PLS3: variants seen among roughly 807,000 people sequenced by gnomAD.
The protein encoded by PLS3 is plastin 3, also known as plastin-3.
PLS3 carries 11 observed loss-of-function variants against 46.5 expected under a neutral mutation model. The ratio of observed to expected loss-of-function variants is 0.24; its 90% CI spans 0.15 to 0.39. The LOEUF is 0.39. PLS3 is among the 10% of genes least tolerant of loss of function. The probability of loss-of-function intolerance (pLI) is 1.00; values close to 1 mark genes in which losing one functional copy is unlikely to be tolerated. For synonymous variants in PLS3, 167 were observed against 162.2 expected, an observed-to-expected ratio of 1.03 and a Z score of -0.22; for missense variants, 308 against 461.8, an observed-to-expected ratio of 0.67 and a Z score of 3.05.
At chrX:115,567,878 TATATA>T (rs1340967638) in intron 1 of PLS3, among the ~76,000 whole-genome samples, 37 of 110,146 alleles carry the variant, frequency 3.4e-4, no homozygotes, top group African/African-American at 9.5e-4. Flanking sequence ...TTTTACGTGA[TATATA>T]ATATAAGTTT....
intron 2 of PLS3, among the ~76,000 whole-genome samples, chrX:115,616,421 T>C (rs185527360): frequency 2.0e-4 from 23 of 112,360 alleles, no homozygotes; most frequent in African/African-American, 7.4e-4. Context: ...TCAAAGACTA[T>C]CATTTAGCCA....
chrX:115,645,653 T>A (rs1353511389), intron 11 of PLS3, among the ~76,000 whole-genome samples: 1 of 111,700 alleles, frequency 9.0e-6, no homozygotes, highest in African/African-American at 3.2e-5. Context: ...AAAGATTTCC[T>A]GACTACCACC....
intron 9 of PLS3, among the ~76,000 whole-genome samples, chrX:115,641,128 T>A (rs995476010): frequency 9.0e-6 from 1 of 110,804 alleles, no homozygotes; most frequent in Non-Finnish European, 1.9e-5. Flanking sequence ...CCATTAGATA[T>A]GGAATGCATG....
At chrX:115,578,824 A>G (rs946992191) in intron 1 of PLS3, among the ~76,000 whole-genome samples, 1 of 110,993 alleles carries the variant, frequency 9.0e-6, no homozygotes, top group Non-Finnish European at 1.9e-5. Flanking sequence ...ATTCTGAATT[A>G]GATTTTTTAA....
intron 9 of PLS3, among the ~76,000 whole-genome samples, chrX:115,642,038 CTTTTTTT>C (rs782288958): frequency 2.6e-4 from 17 of 65,723 alleles, no homozygotes; most frequent in Non-Finnish European, 4.5e-4. Flanking sequence ...TCTTTAGGGT[CTTTTTTT>C]TTTTTTTTTT....
chrX:115,583,724 T>C (rs2092236125), intron 1 of PLS3, among the ~76,000 whole-genome samples: 1 of 112,333 alleles, frequency 8.9e-6, no homozygotes, highest in Admixed American at 9.5e-5. Context: ...AATCTTAGAC[T>C]AGGGCAGGCT....
At chrX:115,601,182 G>A (rs1351689442) in intron 1 of PLS3, among the ~76,000 whole-genome samples, 1 of 109,805 alleles carries the variant, frequency 9.1e-6, no homozygotes, top group Non-Finnish European at 1.9e-5. Flanking sequence ...CCAGGGAGTG[G>A]AAGAAGCGGG....
intron 1 of PLS3, among the ~76,000 whole-genome samples, chrX:115,585,394 G>T (rs996605663): frequency 3.0e-4 from 33 of 109,977 alleles, no homozygotes; most frequent in South Asian, 7.5e-4. Context: ...CTTTTTTTTT[G>T]TTTGTTTGTT....
At chrX:115,645,732 G>A (rs1556641602) in intron 11 of PLS3, among the ~76,000 whole-genome samples, 1 of 110,690 alleles carries the variant, frequency 9.0e-6, no homozygotes, top group African/African-American at 3.3e-5. Context: ...CCCTAAAATT[G>A]TTTGTTTATT....
At chrX:115,603,210 T>A (rs1331298488) in intron 1 of PLS3, among the ~76,000 whole-genome samples, 1 of 111,814 alleles carries the variant, frequency 8.9e-6, no homozygotes, top group Non-Finnish European at 1.9e-5. Context: ...AGAGATGACT[T>A]CATAGGCATA....
intron 9 of PLS3, 132 bp from the exon 10 acceptor site, chrX:115,643,181 A>G: frequency 2.2e-6 from 1 of 458,209 alleles, no homozygotes; most frequent in South Asian, 3.9e-5. Flanking sequence ...TTTGCATTCA[A>G]AACAATTTTA....
chrX:115,587,738 A>G (rs1489720549), intron 1 of PLS3, among the ~76,000 whole-genome samples: 1 of 110,723 alleles, frequency 9.0e-6, no homozygotes, highest in African/African-American at 3.3e-5. Flanking sequence ...CCGTCTCAAA[A>G]AAAAAAAAAA....
Position 115,601,573 on chromosome X carries a change from G to A in PLS3, c.-8-8670G>A, listed in dbSNP as rs140323245. Reference sequence around the variant, plus strand: ...GGTGCAGCACACCAACACGACACATGTATACATATGTAACAACCCTGCACG... The same window carrying A: ...GGTGCAGCACACCAACACGACACATATATACATATGTAACAACCCTGCACG... On this transcript the variant is annotated intron_variant, in intron 1 of 15. Coordinates refer to ENST00000355899, the MANE Select transcript of PLS3 (RefSeq NM_005032.7). Among the ~76,000 whole-genome samples the A allele has an allele frequency of 5.7e-3, 623 of 109,537 alleles. 3 individuals are homozygous for A. The highest frequency in any genetic ancestry group is 0.02 in the African/African-American group (590 of 30,140).
chrX:115,631,776 G>T (rs1312247944), intron 5 of PLS3, among the ~76,000 whole-genome samples: 3 of 110,821 alleles, frequency 2.7e-5, no homozygotes, highest in South Asian at 3.9e-4. Context: ...CTGTTTACAA[G>T]CAGTGAAGAA....
At chrX:115,631,045 T>TTA (rs60211968) in intron 5 of PLS3, among the ~76,000 whole-genome samples, 12,222 of 94,516 alleles carry the variant, frequency 0.13, 1,590 homozygotes, top group African/African-American at 0.37. Flanking sequence ...TAATATAACA[T>TTA]TATATATATA....
At chrX:115,572,318 G>C (rs1007397995) in intron 1 of PLS3, among the ~76,000 whole-genome samples, 2 of 110,630 alleles carry the variant, frequency 1.8e-5, no homozygotes, top group Admixed American at 2.0e-4. Context: ...TCAAGACCCT[G>C]TCTCTATTTT....
chrX:115,630,144 C>T (rs2074749948), intron 5 of PLS3, among the ~76,000 whole-genome samples, 177 bp downstream of exon 5: 1 of 111,465 alleles, frequency 9.0e-6, no homozygotes, highest in Middle Eastern at 4.6e-3. Flanking sequence ...AAAATTCAGC[C>T]ATAAATCGAC....
rs377411857 is a variant in PLS3, at chrX:115,645,029, C to T, written c.1192C>T (p.Arg398Cys). 32 of 1,179,051 alleles carry T rather than the reference C, an allele frequency of 2.7e-5. No individual in the cohort carries two copies. The highest frequency in any genetic ancestry group is 3.3e-5 in the Non-Finnish European group (29 of 867,972). The change falls in exon 11 of 16, where the codon CGT becomes TGT. Residue 398 changes from arginine (R) to cysteine (C), a missense_variant. By Grantham distance (180) the Arg-to-Cys change is radical. Coordinates refer to ENST00000355899, the MANE Select transcript of PLS3 (RefSeq NM_005032.7). Reference sequence around the variant, plus strand: ...GTGAATATTCTTAACAGGAGAAACTCGTGAAGAAAGAACCTTCCGTAACTG... The same window carrying T: ...GTGAATATTCTTAACAGGAGAAACTTGTGAAGAAAGAACCTTCCGTAACTG... Reference protein sequence around the residue: ...IDWTLLEGETREERTFRNWMN... With the variant: ...IDWTLLEGETCEERTFRNWMN...
At chrX:115,607,972 G>T (rs1556635602) in intron 1 of PLS3, among the ~76,000 whole-genome samples, 1 of 111,899 alleles carries the variant, frequency 8.9e-6, no homozygotes, top group African/African-American at 3.3e-5. Context: ...GGAAAAAAAG[G>T]AGATTAGAAT....
Sources: allele counts gnomAD v4.1 joint callset (sites outside exome capture counted in the v4.1 genomes callset), GRCh38; gene constraint gnomAD v4.1.1; transcripts MANE v1.5; gene names NCBI Gene and HGNC (gene_info 2026-07-23, HGNC 2026-07-21).